MATN2: variants seen among roughly 807,000 people sequenced by gnomAD.
The protein encoded by MATN2 is matrilin-2.
Under a neutral mutation model 103.2 loss-of-function variants are expected in MATN2, and 69 were observed. The observed-to-expected ratio is 0.67, with a 90% confidence interval of 0.55 to 0.82. The LOEUF (loss-of-function observed/expected upper bound fraction) is 0.82, where lower values mean the gene tolerates loss of function less well. Among genes scored for constraint, MATN2 ranks in the 40% least tolerant of loss-of-function variants. The pLI is 0.00. For missense variants in MATN2, 1,023 were observed against 1,211.5 expected, an observed-to-expected ratio of 0.84 and a Z score of 2.31; for synonymous variants, 429 against 450.2, an observed-to-expected ratio of 0.95 and a Z score of 0.60.
chr8:97,917,803 G>C (rs996372152), intron 2 of MATN2, among the ~76,000 whole-genome samples: 28 of 152,178 alleles, frequency 1.8e-4, no homozygotes, highest in African/African-American at 6.0e-4. Flanking sequence ...AGAATCTCTA[G>C]GCCGGGCATG....
At position 97,979,001 on chromosome 8, in the gene MATN2, G is replaced by A. The variant is rs376481997; in HGVS notation, c.1074G>A (p.Thr358=). Residue 358 remains threonine, a synonymous_variant, in exon 6 of 19, where the codon ACG becomes ACA. Coordinates refer to ENST00000254898, the MANE Select transcript of MATN2 (RefSeq NM_002380.5). ...EGFALNPDKK[T]CTKIDYCASS... is the part of the protein sequence containing the mutation. ...TTGCTCTTAACCCAGATAAAAAAAC[G>A]TGCACAAGTAAGTTACACACACATG... The A allele has an allele frequency of 1.2e-5, 20 of 1,610,578 alleles. No individual in the cohort carries two copies. The highest frequency in any genetic ancestry group is 6.6e-5 in the South Asian group (6 of 90,440).
chr8:97,979,329 A>G (rs1811946886), intron 6 of MATN2, among the ~76,000 whole-genome samples: 1 of 152,220 alleles, frequency 6.6e-6, no homozygotes, highest in South Asian at 2.1e-4. Flanking sequence ...CAGCACTAAC[A>G]GGGCTTGAGA....
chr8:98,020,846 C>T (rs1392818353), intron 12 of MATN2, among the ~76,000 whole-genome samples: 2 of 152,320 alleles, frequency 1.3e-5, no homozygotes, highest in South Asian at 2.1e-4. Flanking sequence ...GCTGTAAGTA[C>T]TTCGAAGAGT....
At chr8:98,033,351 T>C (rs1814110560) in intron 17 of MATN2, among the ~76,000 whole-genome samples, 175 bp downstream of exon 17, 1 of 152,246 alleles carries the variant, frequency 6.6e-6, no homozygotes, top group Non-Finnish European at 1.5e-5. Context: ...GAAACTCAAG[T>C]AGTGTTCCTC....
chr8:97,967,663 C>T (rs1405345743), intron 5 of MATN2, among the ~76,000 whole-genome samples: 1 of 152,248 alleles, frequency 6.6e-6, no homozygotes, highest in African/African-American at 2.4e-5. Flanking sequence ...GGGTGGGCCC[C>T]CAAGGCCTTG....
chr8:98,007,481 G>A lies in MATN2; in HGVS notation c.1453G>A (p.Val485Met). The change falls in exon 10 of 19, where the codon GTG (valine) becomes ATG (methionine). Residue 485 changes from valine (V) to methionine (M), a missense_variant and splice_region_variant. Coordinates refer to ENST00000254898, the MANE Select transcript of MATN2 (RefSeq NM_002380.5). This position sits in a 1 kb window ranked among gnomAD's most constrained non-coding sequence, Gnocchi z 4.2. ...INEDLKTCSRVDYCLLSDHGC... is the reference protein window; with the variant it reads ...INEDLKTCSRMDYCLLSDHGC... ...CTGCCTGGCTTTTGGTTTTGCAGGG[G>A]TGGATTACTGCCTGCTGAGTGACCA... 6.2e-7 allele frequency: 1 copy of A among 1,611,146 alleles called. No individual in the cohort carries two copies. The highest frequency in any genetic ancestry group is 8.5e-7 in the Non-Finnish European group (1 of 1,177,512).
At position 97,941,874 on chromosome 8, in the gene MATN2, C is replaced by A; in HGVS notation, c.810C>A (p.Leu270=). Residue 270 remains leucine (L), a synonymous_variant, in exon 4 of 19, where the codon CTC becomes CTA. Transcript: ENST00000254898. ...YVCRCKQGYI[L]NSDQTTCRIQ... is the part of the protein sequence containing the mutation. ...GCAGGTGCAAACAAGGCTACATTCT[C>A]AACTCGGATCAGACGACTTGCAGAA... is the stretch of plus-strand genomic sequence containing the variant. The A allele has an allele frequency of 6.2e-7, 1 of 1,613,528 alleles. No homozygotes were observed. The highest frequency in any genetic ancestry group is 1.1e-5 in the South Asian group (1 of 91,044).
intron 5 of MATN2, among the ~76,000 whole-genome samples, chr8:97,962,355 C>T (rs1010388774): frequency 2.6e-5 from 4 of 152,200 alleles, no homozygotes; most frequent in Admixed American, 6.5e-5. Context: ...TATTTTGCTT[C>T]GCACAAACAG....
chr8:97,889,469 A>C (rs1409527865), intron 2 of MATN2, among the ~76,000 whole-genome samples: 3 of 33,176 alleles, frequency 9.0e-5, no homozygotes, highest in Admixed American at 8.8e-4. Context: ...CTATATATAT[A>C]TATATATATA....
At chr8:98,022,554 A>T (rs567064036) in intron 13 of MATN2, among the ~76,000 whole-genome samples, 3 of 152,280 alleles carry the variant, frequency 2.0e-5, no homozygotes, top group Admixed American at 2.0e-4. Flanking sequence ...GTAGAAAAAA[A>T]TTTTGAGGTA....
Position 98,002,123 on chromosome 8 carries a change from C to G in MATN2, c.1205-1538C>G, listed in dbSNP as rs144581770. On this transcript the variant is annotated intron_variant, in intron 7 of 18. Coordinates refer to ENST00000254898, the MANE Select transcript of MATN2 (RefSeq NM_002380.5). ...TCATTTTGTGTCCTTTTCCAGTTCT[C>G]TATCTTCCCTGGAGCCTGCTATGTG... 1.1e-3 allele frequency among the ~76,000 whole-genome samples: 175 copies of G among 152,360 alleles called. 1 individual carries two copies. Among genetic ancestry groups the G allele is most frequent in the Middle Eastern group, 0.01 (3 of 294 alleles).
chr8:97,969,617 GA>G (rs1811591502), intron 5 of MATN2, among the ~76,000 whole-genome samples: 1 of 152,172 alleles, frequency 6.6e-6, no homozygotes, highest in Non-Finnish European at 1.5e-5. Flanking sequence ...AAGGCTGGGG[GA>G]GAGAAAGAAG....
At chr8:97,962,027 C>T (rs1387521088) in intron 5 of MATN2, among the ~76,000 whole-genome samples, 4 of 152,184 alleles carry the variant, frequency 2.6e-5, no homozygotes, top group South Asian at 2.1e-4. Context: ...AATTAGACGG[C>T]GTGGTCAGAG....
intron 13 of MATN2, among the ~76,000 whole-genome samples, chr8:98,026,192 A>G (rs1221674005): frequency 6.6e-5 from 10 of 151,300 alleles, no homozygotes; most frequent in Non-Finnish European, 1.2e-4. Context: ...AAAAAAAAAA[A>G]AAAAAAAATG....
At chr8:97,891,444 C>T (rs1818623207) in intron 2 of MATN2, among the ~76,000 whole-genome samples, 1 of 152,044 alleles carries the variant, frequency 6.6e-6, no homozygotes, top group Non-Finnish European at 1.5e-5. Context: ...CTTAAGCAAT[C>T]CTCCAACCTC....
intron 4 of MATN2, among the ~76,000 whole-genome samples, chr8:97,950,504 C>G (rs1480042341): frequency 6.6e-6 from 1 of 152,170 alleles, no homozygotes; most frequent in Non-Finnish European, 1.5e-5. Context: ...GTGGATTCCC[C>G]TCTATGGGCC....
In MATN2 at chr8:97,978,950, C is replaced by A. The variant is rs1811933112; in HGVS notation, c.1023C>A (p.Ser341=). 20 of 1,613,558 alleles carry A rather than the reference C, an allele frequency of 1.2e-5. No individual in the cohort carries two copies. Among genetic ancestry groups the A allele is most frequent in the Non-Finnish European group, 1.7e-5 (20 of 1,179,582 alleles). The change falls in exon 6 of 19, where the codon TCC becomes TCA. Residue 341 remains serine (S), a synonymous_variant. Transcript: ENST00000254898. ...CEHECVNADG[S]YLCQCHEGFA... ...ATGAGTGTGTAAATGCTGATGGCTC[C>A]TACCTTTGCCAGTGCCATGAAGGAT...
chr8:97,875,722 G>T, intron 1 of MATN2, among the ~76,000 whole-genome samples: 1 of 110,638 alleles, frequency 9.0e-6, no homozygotes, highest in African/African-American at 3.3e-5. Flanking sequence ...TTGAGGTGGA[G>T]TCTCACTCTG....
intron 2 of MATN2, among the ~76,000 whole-genome samples, chr8:97,918,659 T>C (rs1726009820): frequency 6.6e-6 from 1 of 152,228 alleles, no homozygotes; most frequent in Admixed American, 6.5e-5. Flanking sequence ...CTTAGGCGAC[T>C]GTGTCTTGAG....
Sources: gnomAD v4.1 joint callset for allele counts (sites outside exome capture counted in the v4.1 genomes callset) on GRCh38, gnomAD v4.1.1 for gene constraint, Gnocchi (gnomAD v3.1) non-coding constraint, MANE v1.5 for transcripts, NCBI Gene and HGNC (gene_info 2026-07-23, HGNC 2026-07-21) for gene names.